Variants in THEMIS observed in about 807,000 individuals in gnomAD.
THEMIS encodes thymocyte selection associated.
A neutral mutation model predicts 52.6 loss-of-function variants in THEMIS; 37 were observed. That is an observed-to-expected ratio of 0.70 (90% CI 0.54 to 0.93). THEMIS has a LOEUF of 0.93. THEMIS is among the 40% of genes least tolerant of loss of function. The pLI is 0.00. For synonymous variants in THEMIS, 292 were observed against 272.7 expected, an observed-to-expected ratio of 1.07 and a Z score of -0.70; for missense variants, 808 against 763.1, an observed-to-expected ratio of 1.06 and a Z score of -0.69.
Position 127,805,377 on chromosome 6 carries a change from G to T in THEMIS, c.1758+7506C>A, listed in dbSNP as rs7768836. 3.9e-5 allele frequency among the ~76,000 whole-genome samples: 6 copies of T among 152,060 alleles called. No individual in the cohort carries two copies. In the South Asian group the frequency reaches 8.3e-4, roughly 21 times the overall value. On this transcript the variant is annotated intron_variant, in intron 4 of 5. Coordinates refer to ENST00000368248, the MANE Select transcript of THEMIS (RefSeq NM_001010923.3). ...GTTAGATTCTGGACAAAGTGTATGA[G>T]AAAGTTTACGGCTATAAAAGGTTTG... is the stretch of plus-strand genomic sequence containing the variant.
At chr6:127,897,992 A>G (rs1263356343) in intron 1 of THEMIS, among the ~76,000 whole-genome samples, 1 of 151,760 alleles carries the variant, frequency 6.6e-6, no homozygotes, top group Non-Finnish European at 1.5e-5. Flanking sequence ...TTTCACAAAT[A>G]TAATGTTAAA....
intron 4 of THEMIS, among the ~76,000 whole-genome samples, chr6:127,730,314 AAGAGAAAAAAAG>A (rs1774733261): frequency 2.1e-5 from 3 of 140,376 alleles, no homozygotes; most frequent in South Asian, 4.2e-4. Context: ...AAGAAAAGAA[AAGAGAAAAAAAG>A]AAAAGAAAAG....
rs78458756 is a variant in THEMIS, at chr6:127,714,452, G to T, written c.1895-4436C>A. Among the ~76,000 whole-genome samples the T allele has an allele frequency of 4.5e-3, 677 of 151,584 alleles. 4 individuals carry two copies. The highest frequency in any genetic ancestry group is 0.015 in the African/African-American group (634 of 41,358). On this transcript the variant is annotated intron_variant, in intron 5 of 5. Coordinates refer to ENST00000368248, the MANE Select transcript of THEMIS (RefSeq NM_001010923.3). Reference sequence around the variant, plus strand: ...TGAAAATGAAAAATCAAACATTCCTGCCACCCCAGCCATAAAAAATCAGGC... The same window carrying T: ...TGAAAATGAAAAATCAAACATTCCTTCCACCCCAGCCATAAAAAATCAGGC...
intron 1 of THEMIS, among the ~76,000 whole-genome samples, chr6:127,914,628 T>C (rs549341004): frequency 6.6e-6 from 1 of 152,258 alleles, no homozygotes; most frequent in African/African-American, 2.4e-5. Context: ...TATCTAAACA[T>C]AGAAAAAGGC....
chr6:127,800,808 A>G (rs147930047), intron 4 of THEMIS, among the ~76,000 whole-genome samples: 7 of 152,166 alleles, frequency 4.6e-5, no homozygotes, highest in East Asian at 1.9e-4. Context: ...TCGGACTCCA[A>G]GTTCTTCAGT....
intron 4 of THEMIS, among the ~76,000 whole-genome samples, chr6:127,760,901 T>A (rs1775999417): frequency 6.6e-6 from 1 of 152,318 alleles, no homozygotes; most frequent in South Asian, 2.1e-4. Flanking sequence ...AATTATTTCA[T>A]GTATATGACA....
chr6:127,872,504 G>C (rs1780187410), intron 1 of THEMIS, among the ~76,000 whole-genome samples: 1 of 152,160 alleles, frequency 6.6e-6, no homozygotes, highest in South Asian at 2.1e-4. Flanking sequence ...AGAGGTTGCA[G>C]TGAGCCGAGA....
intron 1 of THEMIS, among the ~76,000 whole-genome samples, chr6:127,861,783 C>CAAAAAA (rs1225783673): frequency 1.8e-3 from 170 of 95,532 alleles, no homozygotes; most frequent in African/African-American, 3.0e-3. Context: ...GACTCCATCT[C>CAAAAAA]AAAAAAAAAA....
At chr6:127,822,008 T>C (rs1221970533) in intron 3 of THEMIS, among the ~76,000 whole-genome samples, 3 of 152,000 alleles carry the variant, frequency 2.0e-5, no homozygotes, top group Non-Finnish European at 4.4e-5. Context: ...TTCTAGTTCC[T>C]CCATTATTAT....
At chr6:127,732,172 T>C (rs1562221390) in intron 4 of THEMIS, among the ~76,000 whole-genome samples, 1 of 151,982 alleles carries the variant, frequency 6.6e-6, no homozygotes, top group Non-Finnish European at 1.5e-5. Flanking sequence ...ATCATTATGG[T>C]TTCATTTTCC....
intron 1 of THEMIS, among the ~76,000 whole-genome samples, chr6:127,866,842 G>T (rs1779994769): frequency 6.6e-6 from 1 of 151,764 alleles, no homozygotes; most frequent in South Asian, 2.1e-4. Context: ...GGTAGCTGGA[G>T]ACAGAAGGGA....
rs368270192 is a variant in THEMIS, at chr6:127,805,205, A to G, written c.1758+7678T>C. 7.9e-5 allele frequency among the ~76,000 whole-genome samples: 12 copies of G among 152,188 alleles called. No individual in the cohort carries two copies. The East Asian group carries it at 1.4e-3, about 17-fold the overall frequency. ...TAATTGGCTTGTGGTAAATATCTCA[A>G]AGGAGACCAATGGTAAATATCTCAA... On this transcript the variant is annotated intron_variant, in intron 4 of 5. Transcript: ENST00000368248.
rs1033383073 is a variant in THEMIS, at chr6:127,708,442, C to T, written c.*1543G>A. On this transcript the variant is annotated 3_prime_UTR_variant, in exon 6 of 6. Transcript: ENST00000368248. ...CTAAAAGTACAAATTTAATTGTTCTCAAATTCCAAACAAAAATATTAATTA... is the reference window on the plus strand; with the variant it reads ...CTAAAAGTACAAATTTAATTGTTCTTAAATTCCAAACAAAAATATTAATTA... The T allele has an allele frequency of 1.3e-5, 2 of 152,020 alleles. No individual in the cohort carries two copies. Among genetic ancestry groups the T allele is most frequent in the African/African-American group, 4.8e-5 (2 of 41,410 alleles). The allele number at this position is 152,020 out of a possible 1,614,324, so 9.4% of individuals were successfully genotyped here. A position where few individuals can be genotyped will look rare whatever the true frequency, so the allele number is the denominator to read the frequency against.
chr6:127,857,350 G>A (rs1228100143), intron 1 of THEMIS, among the ~76,000 whole-genome samples: 1 of 151,964 alleles, frequency 6.6e-6, no homozygotes, highest in African/African-American at 2.4e-5. Flanking sequence ...CAGGACACCA[G>A]GACAGGCAGA....
At chr6:127,867,746 G>A (rs1279085872) in intron 1 of THEMIS, among the ~76,000 whole-genome samples, 2 of 152,078 alleles carry the variant, frequency 1.3e-5, no homozygotes, top group African/African-American at 4.8e-5. Context: ...GGAAAGGCAT[G>A]TATATTTCAT....
intron 4 of THEMIS, among the ~76,000 whole-genome samples, chr6:127,787,927 G>A (rs1777031093): frequency 7.6e-6 from 1 of 132,034 alleles, no homozygotes; most frequent in Non-Finnish European, 1.7e-5. Flanking sequence ...ATAAATAGAT[G>A]CTCTTCTGGT....
chr6:127,886,191 C>G (rs1262802419), intron 1 of THEMIS, among the ~76,000 whole-genome samples: 1 of 152,114 alleles, frequency 6.6e-6, no homozygotes, highest in Non-Finnish European at 1.5e-5. Context: ...TCACTTCTCC[C>G]AAGTAGAGAC....
intron 4 of THEMIS, among the ~76,000 whole-genome samples, chr6:127,778,830 AAT>A (rs1491445859): frequency 8.3e-6 from 1 of 120,992 alleles, no homozygotes; most frequent in Non-Finnish European, 1.9e-5. Context: ...ACTCAAGTGG[AAT>A]TTTTTTTTTT....
intron 4 of THEMIS, among the ~76,000 whole-genome samples, chr6:127,767,137 G>C (rs1288480112): frequency 3.3e-5 from 5 of 151,630 alleles, no homozygotes; most frequent in African/African-American, 1.2e-4. Context: ...TGTCACCCAG[G>C]CTGGAGTGCA....
Sources: allele counts gnomAD v4.1 joint callset (sites outside exome capture counted in the v4.1 genomes callset), GRCh38; gene constraint gnomAD v4.1.1; transcripts MANE v1.5; gene names NCBI Gene and HGNC (gene_info 2026-07-23, HGNC 2026-07-21).